The following DPP10 variants were observed in gnomAD, a reference collection of about 807,000 sequenced individuals.
The protein encoded by DPP10 is inactive dipeptidyl peptidase 10.
In DPP10, 33 loss-of-function variants were observed where a neutral mutation model predicts 120.9. That is an observed-to-expected ratio of 0.27 (90% CI 0.21 to 0.37). The LOEUF (loss-of-function observed/expected upper bound fraction) is 0.37. DPP10 is among the 10% of genes least tolerant of loss of function. The probability of loss-of-function intolerance (pLI) is 1.00; values close to 1 mark genes in which losing one functional copy is unlikely to be tolerated. For synonymous variants in DPP10, 337 were observed against 326.1 expected, an observed-to-expected ratio of 1.03 and a Z score of -0.36; for missense variants, 816 against 942.8, an observed-to-expected ratio of 0.87 and a Z score of 1.76.
Position 115,432,659 on chromosome 2 carries a change from T to TTGTGTGTGTGTGTGTGTG in DPP10, c.272-66827_272-66810dup, listed in dbSNP as rs59844767. ...CCTTGTTTAAAAGCCATAGGCAATT[T>TTGTGTGTGTGTGTGTGTG]TGTGTGTGTGTGTGTGTGTGTGTGT... On this transcript the variant is annotated intron_variant, in intron 3 of 25. Transcript: ENST00000410059. Among the ~76,000 whole-genome samples, 62 of 137,756 alleles carry TTGTGTGTGTGTGTGTGTG rather than the reference T, an allele frequency of 4.5e-4. 1 individual carries two copies. The highest frequency in any genetic ancestry group is 8.3e-4 in the African/African-American group (31 of 37,264). 90.4% of individuals were successfully genotyped at this position (137,756 alleles called of 152,430 possible).
chr2:115,810,891 G>T (rs975433920), intron 19 of DPP10, among the ~76,000 whole-genome samples: 9 of 152,132 alleles, frequency 5.9e-5, no homozygotes, highest in Non-Finnish European at 1.3e-4. Context: ...ATCAATTGGA[G>T]CTCAGCAATC....
At chr2:115,765,779 G>A (rs974161695) in intron 12 of DPP10, among the ~76,000 whole-genome samples, 1 of 152,134 alleles carries the variant, frequency 6.6e-6, no homozygotes, top group Non-Finnish European at 1.5e-5. Context: ...ATAGTTGAAA[G>A]AAGTGATTCA....
chr2:114,593,427 C>T (rs539995156), intron 1 of DPP10, among the ~76,000 whole-genome samples: 1 of 152,180 alleles, frequency 6.6e-6, no homozygotes, highest in South Asian at 2.1e-4. Flanking sequence ...AAGATGTAGA[C>T]CTGAGGACTG....
At chr2:115,699,466 T>G (rs7599620) in intron 7 of DPP10, among the ~76,000 whole-genome samples, 140,260 of 152,172 alleles carry the variant, frequency 0.92, 65,526 homozygotes, top group Non-Finnish European at 1. Context: ...GCTGGATGTG[T>G]TGGCAGGCAC....
intron 1 of DPP10, among the ~76,000 whole-genome samples, chr2:114,982,838 C>T (rs1484629975): frequency 1.3e-5 from 2 of 151,856 alleles, no homozygotes; most frequent in Non-Finnish European, 2.9e-5. Context: ...AACTCCTGGG[C>T]TCAAGCGATC....
intron 11 of DPP10, among the ~76,000 whole-genome samples, chr2:115,753,856 G>A (rs980563297): frequency 6.6e-6 from 1 of 152,044 alleles, no homozygotes; most frequent in Non-Finnish European, 1.5e-5. Context: ...AAGATTCCTG[G>A]TAGAGAAAAC....
chr2:114,661,354 AT>A (rs1419000398), intron 1 of DPP10, among the ~76,000 whole-genome samples: 5 of 152,218 alleles, frequency 3.3e-5, no homozygotes, highest in Non-Finnish European at 7.3e-5. Context: ...GGTTTTGTAG[AT>A]GTCATACTAC....
intron 1 of DPP10, among the ~76,000 whole-genome samples, chr2:115,020,553 C>G (rs1008487768): frequency 6.6e-6 from 1 of 151,990 alleles, no homozygotes; most frequent in Non-Finnish European, 1.5e-5. Flanking sequence ...TATGGCAACA[C>G]AATAATAGTG....
intron 1 of DPP10, among the ~76,000 whole-genome samples, chr2:114,548,429 A>G (rs1382619917): frequency 6.6e-6 from 1 of 152,198 alleles, no homozygotes; most frequent in African/African-American, 2.4e-5. Flanking sequence ...ACCTTTCTGC[A>G]GAACAATCAC....
chr2:115,687,017 G>GA (rs987506380), intron 5 of DPP10, among the ~76,000 whole-genome samples: 24 of 151,990 alleles, frequency 1.6e-4, no homozygotes, highest in African/African-American at 5.8e-4. Flanking sequence ...TAGCCGTATG[G>GA]AAGGGGAGTT....
At chr2:115,381,987 A>T (rs2066413773) in intron 3 of DPP10, among the ~76,000 whole-genome samples, 1 of 151,958 alleles carries the variant, frequency 6.6e-6, no homozygotes, top group Admixed American at 6.5e-5. Context: ...ACGTCTGCAG[A>T]GGTTACTGCT....
chr2:114,852,832 G>A (rs1689069773), intron 1 of DPP10, among the ~76,000 whole-genome samples: 1 of 152,076 alleles, frequency 6.6e-6, no homozygotes, highest in African/African-American at 2.4e-5. Context: ...ATTGATATAG[G>A]CAAAATATTC....
intron 1 of DPP10, among the ~76,000 whole-genome samples, chr2:114,774,662 G>T (rs1234678088): frequency 1.4e-5 from 2 of 145,356 alleles, no homozygotes; most frequent in African/African-American, 2.6e-5. Context: ...TATCAATAAT[G>T]ATGTATATAT....
chr2:115,500,198 G>A (rs191852268), intron 4 of DPP10, among the ~76,000 whole-genome samples: 231 of 151,986 alleles, frequency 1.5e-3, no homozygotes, highest in Non-Finnish European at 2.3e-3. Flanking sequence ...CTAAGGTTAG[G>A]AGACTTAGCT....
At chr2:114,470,541 T>C (rs1444974759) in intron 1 of DPP10, among the ~76,000 whole-genome samples, 1 of 152,188 alleles carries the variant, frequency 6.6e-6, no homozygotes, top group Non-Finnish European at 1.5e-5. Context: ...GATATTTCTT[T>C]TGGGGATTGG....
chr2:114,702,011 C>A (rs1265256520), intron 1 of DPP10, among the ~76,000 whole-genome samples: 4 of 152,138 alleles, frequency 2.6e-5, no homozygotes, highest in Middle Eastern at 6.8e-3. Context: ...GGGATTTGGG[C>A]TCCAAATTTA....
intron 3 of DPP10, chr2:115,468,949 CA>C (rs1468016515): frequency 8.9e-6 from 2 of 225,470 alleles, no homozygotes; most frequent in Non-Finnish European, 1.7e-5. Context: ...GCTGTTCTTT[CA>C]TAGATACTTT....
chr2:115,074,673 G>A (rs1343006850), intron 1 of DPP10, among the ~76,000 whole-genome samples: 1 of 152,176 alleles, frequency 6.6e-6, no homozygotes, highest in Admixed American at 6.5e-5. Flanking sequence ...CATTTCGAAG[G>A]TAATGAGGGT....
rs1291797989 is a variant in DPP10, at chr2:115,797,967, A to ATG, written c.1700+6612_1700+6613insGT. ...TATGTGTGTGTGTGTATATATATAT[A>ATG]TACACACGTATATGCACACACAGAA... is the stretch of plus-strand genomic sequence containing the variant. On this transcript the variant is annotated intron_variant, in intron 19 of 25. Coordinates refer to ENST00000410059, the MANE Select transcript of DPP10 (RefSeq NM_020868.6). 2.6e-5 allele frequency among the ~76,000 whole-genome samples: 4 copies of ATG among 151,626 alleles called. No individual in the cohort carries two copies. The East Asian group carries it at 7.7e-4, about 29-fold the overall frequency.
Sources: gnomAD v4.1 joint callset for allele counts (sites outside exome capture counted in the v4.1 genomes callset) on GRCh38, gnomAD v4.1.1 for gene constraint, MANE v1.5 for transcripts, NCBI Gene and HGNC (gene_info 2026-07-23, HGNC 2026-07-21) for gene names.